Variants in CRYBB2 observed in about 807,000 individuals in gnomAD.
The protein encoded by CRYBB2 is beta-crystallin B2.
CRYBB2 carries 12 observed loss-of-function variants against 24.3 expected under a neutral mutation model. The observed-to-expected ratio is 0.49, with a 90% CI of 0.32 to 0.80. The LOEUF is 0.80. Among genes scored for constraint, CRYBB2 ranks in the 30% least tolerant of loss-of-function variants. The pLI, the probability that CRYBB2 is intolerant of heterozygous loss-of-function variation, is 0.04. For missense variants in CRYBB2, 198 were observed against 268.5 expected, an observed-to-expected ratio of 0.74 and a Z score of 1.83; for synonymous variants, 98 against 101.6, an observed-to-expected ratio of 0.96 and a Z score of 0.21.
rs775741030 is a variant in CRYBB2, at chr22:25,228,012, CCT to C, written c.306+34_306+35del. ...TGAGCCCCCTGCCATCACCCTACTCCCTCTCTCTGCCCATCATCCTACTTTCT... is the reference window on the plus strand; with the variant it reads ...TGAGCCCCCTGCCATCACCCTACTCCCTCTCTGCCCATCATCCTACTTTCT... On this transcript the variant is annotated intron_variant, in intron 4 of 5. Coordinates refer to ENST00000398215, the MANE Select transcript of CRYBB2 (RefSeq NM_000496.3). 8 of 1,613,962 alleles carry C rather than the reference CCT, an allele frequency of 5.0e-6. No individual in the cohort carries two copies. The African/African-American group carries it at 8.0e-5, about 16-fold the overall frequency.
At chr22:25,218,588 C>G (rs1480421530), upstream of CRYBB2, among the ~76,000 whole-genome samples, 2 of 150,774 alleles carry the variant, frequency 1.3e-5, no homozygotes, top group South Asian at 4.2e-4. Context: ...ATCGCTTGAA[C>G]CTGGGAGGCA....
chr22:25,231,761 C>A lies in CRYBB2; in HGVS notation c.607C>A (p.Pro203Thr). 4 of 1,614,068 alleles carry A rather than the reference C, an allele frequency of 2.5e-6. No homozygotes were observed. The highest frequency in any genetic ancestry group is 1.6e-4 in the Middle Eastern group (1 of 6,062). ...GTGGCACCAACGTGGTGCCTTCCAC[C>A]CCTCCAACTAGTGCCCTCCCCACCA... ...MQWHQRGAFH[P>T]SN Residue 203 changes from proline to threonine, a missense_variant, in exon 6 of 6, where the codon CCC becomes ACC. By Grantham distance (38) the Pro-to-Thr change is conservative. Transcript: ENST00000398215.
At position 25,231,786 on chromosome 22, in the gene CRYBB2, A is replaced by C. The variant is rs764004973; in HGVS notation, c.*14A>C. 1 of 1,613,414 alleles carries C rather than the reference A, an allele frequency of 6.2e-7. No homozygotes were observed. Among genetic ancestry groups the C allele is most frequent in the Non-Finnish European group, 8.5e-7 (1 of 1,179,490 alleles). ...CCCTCCAACTAGTGCCCTCCCCACCATGCCTCCTTCCCAGGACCCAGGTCT... is the reference window on the plus strand; with the variant it reads ...CCCTCCAACTAGTGCCCTCCCCACCCTGCCTCCTTCCCAGGACCCAGGTCT... On this transcript the variant is annotated 3_prime_UTR_variant, in exon 6 of 6. Transcript: ENST00000398215.
At chr22:25,222,510 G>T (rs1263162499) in intron 2 of CRYBB2, among the ~76,000 whole-genome samples, 7 of 152,148 alleles carry the variant, frequency 4.6e-5, no homozygotes, top group Admixed American at 4.6e-4. Flanking sequence ...AGGCCGAGGT[G>T]GGAGGACTGT....
In CRYBB2 at chr22:25,231,525, T is replaced by G. The variant is rs973063850; in HGVS notation, c.450-79T>G. ...CCTAGTGGCTTATGGATGCTCTATC[T>G]CTCTCCCCTCGCCTCTCTCTCTGTC... On this transcript the variant is annotated intron_variant, in intron 5 of 5. Coordinates refer to ENST00000398215, the MANE Select transcript of CRYBB2 (RefSeq NM_000496.3). The G allele has an allele frequency of 2.9e-5, 41 of 1,393,024 alleles. No individual in the cohort carries two copies. In the African/African-American group the frequency reaches 5.7e-4, roughly 19 times the overall value. 86.3% of individuals were successfully genotyped at this position (1,393,024 alleles called of 1,614,324 possible). A position where few individuals can be genotyped will look rare whatever the true frequency, so the allele number is the denominator to read the frequency against.
At chr22:25,215,943 G>C (rs1341477770), upstream of CRYBB2, among the ~76,000 whole-genome samples, 2 of 152,114 alleles carry the variant, frequency 1.3e-5, no homozygotes, top group Admixed American at 6.5e-5. Flanking sequence ...GCAAATTTGG[G>C]CAAGTGGCTT....
chr22:25,214,168 A>T (rs918225524), intron 1 of CRYBB2, among the ~76,000 whole-genome samples: 1 of 152,132 alleles, frequency 6.6e-6, no homozygotes, highest in Non-Finnish European at 1.5e-5. Flanking sequence ...GTAAGACCCT[A>T]TCCCTAAAAA....
Position 25,224,835 on chromosome 22 carries a change from T to G in CRYBB2, c.55-83T>G. 1.5e-5 allele frequency: 12 copies of G among 820,346 alleles called. 1 individual carries two copies. The South Asian group carries it at 1.6e-4, about 11-fold the overall frequency. 50.8% of individuals were successfully genotyped at this position (820,346 alleles called of 1,614,324 possible). ...GAACCCTTCAGCATCCTTTGGGTTC[T>G]CTGAGCTCCCTCCCCACGTCTACCA... On this transcript the variant is annotated intron_variant, in intron 2 of 5. Transcript: ENST00000398215.
At chr22:25,211,881 G>C (rs1462838444), upstream of CRYBB2, among the ~76,000 whole-genome samples, 3 of 152,254 alleles carry the variant, frequency 2.0e-5, no homozygotes, top group Non-Finnish European at 2.9e-5. Flanking sequence ...ATAGGAGGCA[G>C]AGTGGCTGAG....
At chr22:25,226,395 G>A (rs1032417228) in intron 3 of CRYBB2, among the ~76,000 whole-genome samples, 1 of 152,088 alleles carries the variant, frequency 6.6e-6, no homozygotes, top group Admixed American at 6.5e-5. Flanking sequence ...AGGTTCTTGG[G>A]CCCCACTTAA....
intron 3 of CRYBB2, among the ~76,000 whole-genome samples, chr22:25,227,035 C>T (rs1935430555): frequency 1.3e-5 from 2 of 152,324 alleles, no homozygotes; most frequent in South Asian, 4.1e-4. Flanking sequence ...CAAGACTACT[C>T]TTCCAAAAGA....
chr22:25,217,531 G>A (rs1935189162), upstream of CRYBB2, among the ~76,000 whole-genome samples: 1 of 152,120 alleles, frequency 6.6e-6, no homozygotes, highest in Admixed American at 6.5e-5. Flanking sequence ...TGCTCAGGCA[G>A]GTCTCGAGCT....
chr22:25,222,193 T>G (rs1476164795), intron 2 of CRYBB2, among the ~76,000 whole-genome samples: 3 of 152,164 alleles, frequency 2.0e-5, no homozygotes, highest in Non-Finnish European at 4.4e-5. Flanking sequence ...AATGGCCCCT[T>G]TGTCTGACTC....
chr22:25,231,868 T>A lies in CRYBB2; in HGVS notation c.*96T>A. 1 of 1,125,846 alleles carries A rather than the reference T, an allele frequency of 8.9e-7. No individual in the cohort carries two copies. Among genetic ancestry groups the A allele is most frequent in the Non-Finnish European group, 1.3e-6 (1 of 744,948 alleles). The allele number at this position is 1,125,846 out of a possible 1,614,324, so 69.7% of individuals were successfully genotyped here. A position where few individuals can be genotyped will look rare whatever the true frequency, so the allele number is the denominator to read the frequency against. On this transcript the variant is annotated 3_prime_UTR_variant, in exon 6 of 6. Coordinates refer to ENST00000398215, the MANE Select transcript of CRYBB2 (RefSeq NM_000496.3). Reference sequence around the variant, plus strand: ...AGTGAATAAAGTGTGACTTGCAACTTGTCTGCTGTGGGTCTTTGATCTCCC... The same window carrying A: ...AGTGAATAAAGTGTGACTTGCAACTAGTCTGCTGTGGGTCTTTGATCTCCC...
At chr22:25,224,584 G>A (rs781248034) in intron 2 of CRYBB2, among the ~76,000 whole-genome samples, 2 of 151,944 alleles carry the variant, frequency 1.3e-5, no homozygotes, top group Non-Finnish European at 2.9e-5. Flanking sequence ...GCCCAGGCTG[G>A]TCTGGAACTC....
At chr22:25,218,794 G>GA (rs1381162247), upstream of CRYBB2, among the ~76,000 whole-genome samples, 1 of 93,868 alleles carries the variant, frequency 1.1e-5, no homozygotes, top group East Asian at 4.1e-4. Context: ...AAGAAAGAAA[G>GA]AAAGAAAGAA....
At chr22:25,218,779 G>GAGAGAGAGAGAGAAAGAAAGAAAGAAA (rs1935251085), upstream of CRYBB2, among the ~76,000 whole-genome samples, 2 of 34,510 alleles carry the variant, frequency 5.8e-5, no homozygotes, top group African/African-American at 2.4e-4. Context: ...GAGAGAGAGA[G>GAGAGAGAGAGAGAAAGAAAGAAAGAAA]AAGAAAGAAA....
chr22:25,214,517 C>T (rs1437973652), intron 1 of CRYBB2, among the ~76,000 whole-genome samples: 3 of 152,144 alleles, frequency 2.0e-5, no homozygotes, highest in South Asian at 2.1e-4. Flanking sequence ...CGGTCTCTGT[C>T]TTGGCACCTA....
upstream of CRYBB2, among the ~76,000 whole-genome samples, chr22:25,214,758 T>C (rs142465892): frequency 3.8e-4 from 58 of 152,310 alleles, 1 homozygote; most frequent in East Asian, 0.011. Context: ...TGTGGGAAAC[T>C]GAGGTAAGAG....
Sources: gnomAD v4.1 joint callset for allele counts (sites outside exome capture counted in the v4.1 genomes callset) on GRCh38, gnomAD v4.1.1 for gene constraint, MANE v1.5 for transcripts, NCBI Gene and HGNC (gene_info 2026-07-23, HGNC 2026-07-21) for gene names.